Variants in SHB observed in about 807,000 individuals in gnomAD.
The protein encoded by SHB is SH2 domain containing adaptor protein B.
Under a neutral mutation model 52.3 loss-of-function variants are expected in SHB, and 20 were observed. The observed-to-expected ratio is 0.38, with a 90% CI of 0.27 to 0.56. The LOEUF is 0.56. SHB is among the 20% of genes least tolerant of loss of function. The probability of loss-of-function intolerance (pLI) is 0.71; values close to 1 mark genes in which losing one functional copy is unlikely to be tolerated. For missense variants in SHB, 825 were observed against 723.3 expected (o/e 1.14, Z -1.61); for synonymous variants, 397 against 316.5 (o/e 1.25, Z -2.70).
chr9:38,041,489 T>A lies in SHB; in HGVS notation c.718-25358A>T, dbSNP rs73439923. 5.5e-3 allele frequency among the ~76,000 whole-genome samples: 832 copies of A among 152,122 alleles called. 10 individuals carry two copies. The highest frequency in any genetic ancestry group is 0.019 in the African/African-American group (782 of 41,476). The stretch of plus-strand genomic sequence containing the variant: ...GGATCTGAGGCAAACCTGCATTTGC[T>A]AGGCTGGATGGGTGATGGGAAGGAG... On this transcript the variant is annotated intron_variant, in intron 1 of 5. Transcript: ENST00000377707.
In SHB at chr9:37,996,382, A is replaced by G. The variant is rs529141461; in HGVS notation, c.838+19629T>C. 1.4e-4 allele frequency among the ~76,000 whole-genome samples: 22 copies of G among 152,374 alleles called. 1 individual carries two copies. The South Asian group carries it at 4.1e-3, about 29-fold the overall frequency. On this transcript the variant is annotated intron_variant, in intron 2 of 5. Coordinates refer to ENST00000377707, the MANE Select transcript of SHB (RefSeq NM_003028.3). The stretch of plus-strand genomic sequence containing the variant: ...GGGAGAAATAGCACATAGCTGGGAC[A>G]GCCTTGCAGCCTGTCCAGCCCTTGG...
At chr9:37,923,658 G>A (rs1832210271) in intron 5 of SHB, among the ~76,000 whole-genome samples, 1 of 152,246 alleles carries the variant, frequency 6.6e-6, no homozygotes, top group Admixed American at 6.5e-5. Context: ...TCACACAAAA[G>A]GAGACGCGAG....
chr9:37,928,509 AG>A (rs1381376809), intron 5 of SHB, among the ~76,000 whole-genome samples: 1 of 152,200 alleles, frequency 6.6e-6, no homozygotes, highest in Non-Finnish European at 1.5e-5. Context: ...CTGGCATCTA[AG>A]TAAGAGGAGG....
rs1463247881 is a variant in SHB at position 37,918,620 on chromosome 9, GA to G, written c.*1200del. On this transcript the variant is annotated 3_prime_UTR_variant, in exon 6 of 6. Transcript: ENST00000377707. ...GGCAGGGTGACAGCAAGGCCATGCA[GA>G]ACCAACGAAAGAGCATTGGCTGCAG... Among the ~76,000 whole-genome samples, 6 of 152,210 alleles carry G rather than the reference GA, an allele frequency of 3.9e-5. No homozygotes were observed. The highest frequency in any genetic ancestry group is 1.4e-4 in the African/African-American group (6 of 41,446).
rs1192328013 is a variant in SHB, at chr9:38,069,065, G to T, written c.-420C>A. 6.6e-6 allele frequency: 1 copy of T among 151,702 alleles called. No individual in the cohort carries two copies. Among genetic ancestry groups the T allele is most frequent in the Non-Finnish European group, 1.5e-5 (1 of 67,932 alleles). The allele number at this position is 151,702 out of a possible 1,614,324, so 9.4% of individuals were successfully genotyped here. On this transcript the variant is annotated 5_prime_UTR_variant, in exon 1 of 6. Coordinates refer to ENST00000377707, the MANE Select transcript of SHB (RefSeq NM_003028.3). ...GCGGCTGCCGCGGGAACTTCTCGGC[G>T]TCCTCGGCTCCCTTCTTCCTTCCTG...
intron 3 of SHB, among the ~76,000 whole-genome samples, chr9:37,970,808 C>T (rs1209446564): frequency 6.6e-6 from 1 of 151,986 alleles, no homozygotes; most frequent in Non-Finnish European, 1.5e-5. Flanking sequence ...TTACCCTTCA[C>T]CTGGGCCCTA....
At chr9:38,056,049 G>C (rs1273268313) in intron 1 of SHB, among the ~76,000 whole-genome samples, 1 of 152,204 alleles carries the variant, frequency 6.6e-6, no homozygotes, top group African/African-American at 2.4e-5. Context: ...ATCTGCAGAA[G>C]AAAGTTGTCA....
intron 1 of SHB, among the ~76,000 whole-genome samples, chr9:38,032,884 G>T (rs1389752303): frequency 6.6e-6 from 1 of 152,198 alleles, no homozygotes; most frequent in Non-Finnish European, 1.5e-5. Flanking sequence ...GGCAGAGGAG[G>T]GAATGACAGC....
intron 3 of SHB, among the ~76,000 whole-genome samples, chr9:37,959,191 G>A (rs2117924215): frequency 6.6e-6 from 1 of 152,264 alleles, no homozygotes; most frequent in South Asian, 2.1e-4. Context: ...ACTTGTGGGA[G>A]TGAGTCCGGG....
intron 1 of SHB, among the ~76,000 whole-genome samples, chr9:38,039,929 G>A (rs1378501407): frequency 6.6e-6 from 1 of 152,246 alleles, no homozygotes; most frequent in Admixed American, 6.5e-5. Flanking sequence ...TGAATCCCTA[G>A]GCCCCAGTCT....
At chr9:37,951,958 A>C (rs1832572025) in intron 4 of SHB, among the ~76,000 whole-genome samples, 1 of 152,162 alleles carries the variant, frequency 6.6e-6, no homozygotes. Context: ...CTGGAAAGAG[A>C]ATCCAGGCAG....
intron 2 of SHB, among the ~76,000 whole-genome samples, chr9:38,007,493 AAGG>A (rs1821087750): frequency 2.0e-5 from 3 of 150,554 alleles, no homozygotes; most frequent in African/African-American, 7.3e-5. Context: ...CCCTGACGCC[AAGG>A]CAGCCTCCCT....
At chr9:37,941,748 C>T (rs776016) in intron 5 of SHB, among the ~76,000 whole-genome samples, 42,249 of 152,078 alleles carry the variant, frequency 0.28, 6,227 homozygotes, top group Middle Eastern at 0.38. Context: ...TCAACAATGG[C>T]CAGGGAGGTC....
chr9:38,029,040 T>C (rs556298332), intron 1 of SHB, among the ~76,000 whole-genome samples: 1 of 152,242 alleles, frequency 6.6e-6, no homozygotes, highest in African/African-American at 2.4e-5. Context: ...TCCTGGAGCT[T>C]TCCCTTCATG....
rs777519150 is a variant in SHB at position 37,927,142 on chromosome 9, C to T, written c.1347-7138G>A. On this transcript the variant is annotated intron_variant, in intron 5 of 5. Coordinates refer to ENST00000377707, the MANE Select transcript of SHB (RefSeq NM_003028.3). ...AAGCCAGGGGACCAGGATGTAAGTGCATCTCACTGTGTGACTGGTTTCTCC... is the reference window on the plus strand; with the variant it reads ...AAGCCAGGGGACCAGGATGTAAGTGTATCTCACTGTGTGACTGGTTTCTCC... Among the ~76,000 whole-genome samples, 87 of 152,240 alleles carry T rather than the reference C, an allele frequency of 5.7e-4. 1 individual carries two copies. The highest frequency in any genetic ancestry group is 1.1e-3 in the Non-Finnish European group (77 of 68,042).
At chr9:37,955,786 C>T in intron 4 of SHB, 97 bp downstream of exon 4, 1 of 1,234,628 alleles carries the variant, frequency 8.1e-7, no homozygotes, top group South Asian at 1.4e-5. Flanking sequence ...CCACGCCCGG[C>T]CCAGTCTGTG....
chr9:37,953,466 G>A (rs1270961846), intron 4 of SHB, among the ~76,000 whole-genome samples: 2 of 151,820 alleles, frequency 1.3e-5, no homozygotes, highest in Non-Finnish European at 2.9e-5. Flanking sequence ...ACTGGGACAC[G>A]TTCATATACT....
intron 3 of SHB, among the ~76,000 whole-genome samples, 195 bp from the exon 4 acceptor site, chr9:37,956,249 A>G (rs909401544): frequency 5.3e-5 from 8 of 152,142 alleles, no homozygotes; most frequent in Non-Finnish European, 8.8e-5. Context: ...TCACAGCCCA[A>G]TGGTGCGTGT....
intron 1 of SHB, among the ~76,000 whole-genome samples, chr9:38,049,552 A>G (rs987982516): frequency 6.6e-6 from 1 of 150,876 alleles, no homozygotes; most frequent in Non-Finnish European, 1.5e-5. Flanking sequence ...CAGAGGTTGC[A>G]GTGAGCTATC....
Sources: gnomAD v4.1 joint callset for allele counts (sites outside exome capture counted in the v4.1 genomes callset) on GRCh38, gnomAD v4.1.1 for gene constraint, MANE v1.5 for transcripts, NCBI Gene and HGNC (gene_info 2026-07-23, HGNC 2026-07-21) for gene names.